CA6: variants seen among roughly 807,000 people sequenced by gnomAD.
CA6 encodes the protein carbonate dehydratase VI.
In CA6, 28 loss-of-function variants were observed where a neutral mutation model predicts 35.9. The ratio of observed to expected loss-of-function variants is 0.78; its 90% CI spans 0.58 to 1.07. The LOEUF (loss-of-function observed/expected upper bound fraction) is 1.07. CA6 is among the 50% of genes least tolerant of loss of function. The pLI is 0.00. For synonymous variants in CA6, 148 were observed against 152.6 expected (o/e 0.97, Z 0.22); for missense variants, 377 against 382.0 (o/e 0.99, Z 0.11).
intron 5 of CA6, among the ~76,000 whole-genome samples, chr1:8,966,983 T>TAAAAA (rs143943561): frequency 8.3e-6 from 1 of 119,814 alleles, no homozygotes; most frequent in African/African-American, 3.0e-5. Flanking sequence ...TTTAAAAAAA[T>TAAAAA]AATAAAAAAA....
At position 8,974,311 on chromosome 1, in the gene CA6, CG is replaced by C. The variant is rs770714367; in HGVS notation, c.845-310del. 14 of 1,340,690 alleles carry C rather than the reference CG, an allele frequency of 1.0e-5. No homozygotes were observed. The South Asian group carries it at 2.1e-4, about 21-fold the overall frequency. 83.0% of individuals were successfully genotyped at this position (1,340,690 alleles called of 1,614,324 possible). A position where few individuals can be genotyped will look rare whatever the true frequency, so the allele number is the denominator to read the frequency against. On this transcript the variant is annotated intron_variant, in intron 7 of 7. Transcript: ENST00000377443. The stretch of plus-strand genomic sequence containing the variant: ...ACGATGGCCAAATACGGACCTCTTG[CG>C]ATTTATTTACTAGAAAACGCCTATA...
At position 8,955,948 on chromosome 1, in the gene CA6, C is replaced by T. The variant is rs6661729; in HGVS notation, c.260-1189C>T. On this transcript the variant is annotated intron_variant, in intron 2 of 7. Transcript: ENST00000377443. Reference sequence around the variant, plus strand: ...CTTTAAATAGGAAGATCTTGCCAGGCGCAGTGGCTCGCGCCTATAATCCCA... The same window carrying T: ...CTTTAAATAGGAAGATCTTGCCAGGTGCAGTGGCTCGCGCCTATAATCCCA... 7.8e-3 allele frequency among the ~76,000 whole-genome samples: 1,195 copies of T among 152,294 alleles called. 13 individuals are homozygous for T. The highest frequency in any genetic ancestry group is 0.028 in the African/African-American group (1,162 of 41,574).
At chr1:8,967,287 G>A (rs988764035) in intron 5 of CA6, among the ~76,000 whole-genome samples, 1 of 152,144 alleles carries the variant, frequency 6.6e-6, no homozygotes. Context: ...AATGGTGACC[G>A]CAGCAGTTAC....
chr1:8,957,321 G>C, intron 3 of CA6, 36 bp downstream of exon 3: 2 of 1,565,638 alleles, frequency 1.3e-6, no homozygotes, highest in South Asian at 2.3e-5. Context: ...TCTTTCCTTT[G>C]AACCCCATAG....
At chr1:8,973,728 CT>C (rs1288054767) in intron 7 of CA6, among the ~76,000 whole-genome samples, 22 of 17,452 alleles carry the variant, frequency 1.3e-3, no homozygotes, top group African/African-American at 6.7e-3. Context: ...TTCTTTCTTT[CT>C]TTCTTTCTTT....
intron 2 of CA6, among the ~76,000 whole-genome samples, chr1:8,954,277 G>A (rs1463714482): frequency 1.3e-5 from 2 of 151,374 alleles, no homozygotes; most frequent in Non-Finnish European, 2.9e-5. Context: ...TGATTCTCGT[G>A]CCTCAGCCTC....
At chr1:8,946,200 G>C in intron 1 of CA6, among the ~76,000 whole-genome samples, 1 of 152,026 alleles carries the variant, frequency 6.6e-6, no homozygotes, top group East Asian at 1.9e-4. Flanking sequence ...ACCATGCCTG[G>C]CTAATTTTTG....
At chr1:8,956,833 C>T (rs1639697078) in intron 2 of CA6, among the ~76,000 whole-genome samples, 1 of 152,210 alleles carries the variant, frequency 6.6e-6, no homozygotes, top group African/African-American at 2.4e-5. Context: ...GCAAGCTGGA[C>T]CTGCCACTGT....
intron 5 of CA6, among the ~76,000 whole-genome samples, chr1:8,965,093 A>T (rs1054372464): frequency 6.6e-6 from 1 of 151,964 alleles, no homozygotes; most frequent in Non-Finnish European, 1.5e-5. Context: ...AAAATACAAA[A>T]ATTAGCCAGG....
intron 2 of CA6, among the ~76,000 whole-genome samples, chr1:8,955,479 C>T (rs1315639215): frequency 1.3e-5 from 2 of 152,132 alleles, no homozygotes; most frequent in Admixed American, 6.5e-5. Context: ...TAACACATTC[C>T]GTCTCCCGGG....
chr1:8,969,044 G>A (rs1486296706), intron 6 of CA6, among the ~76,000 whole-genome samples: 17 of 148,226 alleles, frequency 1.1e-4, no homozygotes, highest in Non-Finnish European at 2.1e-4. Context: ...TGCTGGGCAC[G>A]GTGGCTCAAG....
intron 7 of CA6, among the ~76,000 whole-genome samples, chr1:8,971,894 A>G (rs565946730): frequency 6.6e-6 from 1 of 152,288 alleles, no homozygotes; most frequent in South Asian, 2.1e-4. Context: ...TAAATATTTC[A>G]CAGCCTCCTC....
At chr1:8,974,382 A>G in intron 7 of CA6, 1 of 1,536,306 alleles carries the variant, frequency 6.5e-7, no homozygotes, top group Non-Finnish European at 8.7e-7. Context: ...GAGAAGCCAA[A>G]ATCCAAGAGT....
chr1:8,947,073 G>A (rs145166052), intron 1 of CA6, among the ~76,000 whole-genome samples: 1,991 of 152,088 alleles, frequency 0.013, 17 homozygotes, highest in Non-Finnish European at 0.02. Flanking sequence ...CAAAGTGCTG[G>A]GATTACAGGC....
At chr1:8,962,838 G>A (rs1639876210) in intron 5 of CA6, among the ~76,000 whole-genome samples, 182 bp downstream of exon 5, 1 of 152,200 alleles carries the variant, frequency 6.6e-6, no homozygotes, top group East Asian at 1.9e-4. Flanking sequence ...GTTGGCTTAG[G>A]CAGCAAACCT....
intron 1 of CA6, among the ~76,000 whole-genome samples, chr1:8,946,567 G>C (rs558189635): frequency 1.3e-5 from 2 of 152,184 alleles, no homozygotes; most frequent in Non-Finnish European, 1.5e-5. Flanking sequence ...AGTGTTGGCT[G>C]GTTCAAAAGC....
At chr1:8,964,059 C>T (rs567012446) in intron 5 of CA6, among the ~76,000 whole-genome samples, 12 of 152,304 alleles carry the variant, frequency 7.9e-5, no homozygotes, top group South Asian at 2.1e-4. Context: ...AGAAACACTC[C>T]GCTCCTTAAC....
At chr1:8,973,262 C>T (rs1461275447) in intron 7 of CA6, among the ~76,000 whole-genome samples, 8 of 152,096 alleles carry the variant, frequency 5.3e-5, no homozygotes, top group South Asian at 4.1e-4. Flanking sequence ...TCAGGTGATC[C>T]GCCTGCCCGG....
At chr1:8,951,878 G>C in intron 2 of CA6, 1 of 235,934 alleles carries the variant, frequency 4.2e-6, no homozygotes, top group Non-Finnish European at 7.9e-6. Context: ...GGAGTGCAGT[G>C]GTGCAATCTT....
Sources: gnomAD v4.1 joint callset for allele counts (sites outside exome capture counted in the v4.1 genomes callset) on GRCh38, gnomAD v4.1.1 for gene constraint, MANE v1.5 for transcripts, NCBI Gene and HGNC (gene_info 2026-07-23, HGNC 2026-07-21) for gene names.